The following RP1 variants were observed in gnomAD, a reference collection of about 807,000 sequenced individuals.
RP1 encodes RP1 axonemal microtubule associated.
A neutral mutation model predicts 14.8 loss-of-function variants in RP1; 16 were observed. The ratio of observed to expected loss-of-function variants is 1.08; its 90% CI spans 0.73 to 1.65. The LOEUF (loss-of-function observed/expected upper bound fraction) is 1.65, where lower values mean the gene tolerates loss of function less well. RP1 is among the 40% of genes most tolerant of loss of function. The probability of loss-of-function intolerance (pLI) is 0.00; values close to 1 mark genes in which losing one functional copy is unlikely to be tolerated. For synonymous variants in RP1, 876 were observed against 883.6 expected (o/e 0.99, Z 0.15); for missense variants, 2,631 against 2,535.0 (o/e 1.04, Z -0.81).
intron 28 of RP1, among the ~76,000 whole-genome samples, chr8:54,868,990 T>C (rs1357311718): frequency 6.6e-6 from 1 of 152,178 alleles, no homozygotes; most frequent in Non-Finnish European, 1.5e-5. Context: ...TATCCATCAC[T>C]AGCATTTACT....
intron 5 of RP1, among the ~76,000 whole-genome samples, chr8:54,655,824 C>T (rs1806743144): frequency 6.6e-6 from 1 of 151,820 alleles, no homozygotes; most frequent in Non-Finnish European, 1.5e-5. Context: ...TGGCAACCAG[C>T]CTGGGCAACA....
intron 1 of RP1, among the ~76,000 whole-genome samples, chr8:54,601,028 T>A (rs1350275909): frequency 6.6e-6 from 1 of 152,164 alleles, no homozygotes; most frequent in Non-Finnish European, 1.5e-5. Context: ...GTGAGAGGAA[T>A]AGGGAGACGT....
rs1404729566 is a variant in RP1 at position 54,754,791 on chromosome 8, T to A, written c.2809-12T>A. The A allele has an allele frequency of 2.7e-6, 4 of 1,485,936 alleles. No individual in the cohort carries two copies. The Admixed American group carries it at 9.7e-5, about 36-fold the overall frequency. The allele number at this position is 1,485,936 out of a possible 1,614,324, so 92.0% of individuals were successfully genotyped here. The stretch of plus-strand genomic sequence containing the variant: ...GATGACACAATTTGGTCATTTTTTC[T>A]TCTAATTCCAGGTGACCATGCAACA... On this transcript the variant is annotated splice_polypyrimidine_tract_variant and intron_variant, in intron 19 of 22. Transcript: ENST00000636932.
chr8:54,868,642 A>G (rs1383260403), intron 28 of RP1, among the ~76,000 whole-genome samples: 1 of 152,186 alleles, frequency 6.6e-6, no homozygotes, highest in Non-Finnish European at 1.5e-5. Flanking sequence ...TGATATAACT[A>G]TGATTTTGTG....
rs757898008 is a variant in RP1, at chr8:54,628,932, G to A, written c.5050G>A (p.Glu1684Lys). ...TGAAGGGCAGTCATTTGGCTCTTCT[G>A]AACAGGTATCTAGTAGTTCATCTAT... Reference protein sequence around the residue: ...DSEGQSFGSSEQVSSSSSMLQ... With the variant: ...DSEGQSFGSSKQVSSSSSMLQ... Residue 1684 changes from glutamate to lysine, a missense_variant, in exon 4 of 4, where the codon GAA becomes AAA. By Grantham distance (56) the Glu-to-Lys change is moderately conservative. Transcript: ENST00000220676. 116 of 1,613,898 alleles carry A rather than the reference G, an allele frequency of 7.2e-5. No individual in the cohort carries two copies. Among genetic ancestry groups the A allele is most frequent in the Non-Finnish European group, 9.2e-5 (109 of 1,179,974 alleles).
At chr8:54,831,495 A>T (rs1811528451) in intron 24 of RP1, among the ~76,000 whole-genome samples, 1 of 144,732 alleles carries the variant, frequency 6.9e-6, no homozygotes. Flanking sequence ...TGTACACATT[A>T]CAATATGCAT....
intron 25 of RP1, among the ~76,000 whole-genome samples, chr8:54,852,050 T>G (rs538941570): frequency 1.3e-5 from 2 of 152,334 alleles, no homozygotes; most frequent in African/African-American, 4.8e-5. Context: ...GATTATAATT[T>G]GCTGGTACCT....
At chr8:54,780,983 G>A (rs536390175) in intron 23 of RP1, 42 of 980,486 alleles carry the variant, frequency 4.3e-5, no homozygotes, top group East Asian at 3.4e-4. Flanking sequence ...GAAGAAATCC[G>A]AATTTATTAA....
intron 24 of RP1, among the ~76,000 whole-genome samples, chr8:54,809,055 A>G (rs1349614997): frequency 2.0e-5 from 3 of 152,238 alleles, no homozygotes; most frequent in African/African-American, 7.2e-5. Flanking sequence ...TATGCAAATA[A>G]TTTCACTTGG....
intron 5 of RP1, among the ~76,000 whole-genome samples, chr8:54,653,786 A>G (rs1312111908): frequency 2.0e-5 from 3 of 152,228 alleles, no homozygotes; most frequent in Non-Finnish European, 4.4e-5. Context: ...CTTTTATGCT[A>G]TATAGAGCTT....
At chr8:54,838,768 T>C (rs1811725761) in intron 25 of RP1, among the ~76,000 whole-genome samples, 1 of 152,132 alleles carries the variant, frequency 6.6e-6, no homozygotes, top group African/African-American at 2.4e-5. Context: ...TTGATACTAA[T>C]ACTCATGATC....
intron 1 of RP1, among the ~76,000 whole-genome samples, chr8:54,604,367 C>G (rs1767733807): frequency 6.6e-6 from 1 of 152,134 alleles, no homozygotes; most frequent in African/African-American, 2.4e-5. Flanking sequence ...TTGAACCAGC[C>G]TTGCATCCCA....
intron 1 of RP1, among the ~76,000 whole-genome samples, chr8:54,597,119 C>T (rs2129303006): frequency 6.6e-6 from 1 of 152,274 alleles, no homozygotes; most frequent in South Asian, 2.1e-4. Flanking sequence ...CATTTTCCAT[C>T]TCCACAGTAT....
At chr8:54,640,618 C>T (rs968797816) in intron 3 of RP1, among the ~76,000 whole-genome samples, 10 of 152,108 alleles carry the variant, frequency 6.6e-5, no homozygotes, top group African/African-American at 1.2e-4. Flanking sequence ...GGAGTCAAGT[C>T]GGCTGGTGCT....
chr8:54,675,495 T>C (rs1245663764), intron 8 of RP1, among the ~76,000 whole-genome samples: 3 of 152,190 alleles, frequency 2.0e-5, no homozygotes, highest in Non-Finnish European at 4.4e-5. Flanking sequence ...TTGTACTTTG[T>C]AGATAGGGAA....
At chr8:54,608,082 A>G (rs1805504178) in intron 1 of RP1, among the ~76,000 whole-genome samples, 1 of 151,778 alleles carries the variant, frequency 6.6e-6, no homozygotes, top group Non-Finnish European at 1.5e-5. Flanking sequence ...CCCCAGTGAT[A>G]TGAACCCGGT....
intron 3 of RP1, among the ~76,000 whole-genome samples, chr8:54,637,041 C>T (rs931391509): frequency 4.7e-4 from 71 of 152,264 alleles, no homozygotes; most frequent in African/African-American, 1.6e-3. Context: ...TGTCACCCTT[C>T]CAGGAGGCAT....
At chr8:54,708,041 T>C (rs1808192206) in intron 15 of RP1, among the ~76,000 whole-genome samples, 1 of 152,192 alleles carries the variant, frequency 6.6e-6, no homozygotes, top group East Asian at 1.9e-4. Flanking sequence ...GGACAGAGTG[T>C]CCTGGGAGGA....
chr8:54,789,612 T>G (rs149322549), intron 24 of RP1, among the ~76,000 whole-genome samples: 61 of 152,304 alleles, frequency 4.0e-4, no homozygotes, highest in Non-Finnish European at 3.4e-4. Context: ...CTGTGAAGTT[T>G]AGCTTACAGC....
Sources: gnomAD v4.1 joint callset for allele counts (sites outside exome capture counted in the v4.1 genomes callset) on GRCh38, gnomAD v4.1.1 for gene constraint, MANE v1.5 for transcripts, NCBI Gene and HGNC (gene_info 2026-07-23, HGNC 2026-07-21) for gene names.